The following IRAG2 variants were observed in gnomAD, a reference collection of about 807,000 sequenced individuals.
The protein encoded by IRAG2 is inositol 1,4,5-triphosphate receptor associated 2.
IRAG2 carries 45 observed loss-of-function variants against 69.9 expected under a neutral mutation model. That is an observed-to-expected ratio of 0.64 (90% CI 0.51 to 0.83). IRAG2 has a LOEUF of 0.83. IRAG2 is among the 40% of genes least tolerant of loss of function. IRAG2 has a pLI of 0.00. For synonymous variants in IRAG2, 193 were observed against 202.4 expected, an observed-to-expected ratio of 0.95 and a Z score of 0.40; for missense variants, 520 against 587.0, an observed-to-expected ratio of 0.89 and a Z score of 1.18.
chr12:25,043,653 C>T (rs1350635487), intron 16 of IRAG2, among the ~76,000 whole-genome samples: 1 of 152,112 alleles, frequency 6.6e-6, no homozygotes, highest in Non-Finnish European at 1.5e-5. Context: ...TGCCTGGGGG[C>T]TGCTAGAAAC....
chr12:25,017,178 A>T, exon 6 of IRAG2: 5 of 1,232,120 alleles, frequency 4.1e-6, no homozygotes, highest in Non-Finnish European at 5.1e-6. Context: ...CTTCATTTCA[A>T]CAAAAGAAAA....
intron 8 of IRAG2, among the ~76,000 whole-genome samples, chr12:25,026,374 G>A (rs1793791311): frequency 6.6e-6 from 1 of 152,202 alleles, no homozygotes. Flanking sequence ...GTTAGGCAGG[G>A]AATGGAGGCA....
intron 1 of IRAG2, chr12:25,005,150 A>T: frequency 1.7e-6 from 1 of 584,624 alleles, no homozygotes; most frequent in Non-Finnish European, 2.5e-6. Context: ...TTATTATGAT[A>T]GGTTTTCTTT....
chr12:25,044,778 G>T (rs1944778987), intron 16 of IRAG2, among the ~76,000 whole-genome samples: 1 of 152,192 alleles, frequency 6.6e-6, no homozygotes, highest in Non-Finnish European at 1.5e-5. Context: ...TGACAGAACT[G>T]AAGGGGGAAA....
upstream of IRAG2, among the ~76,000 whole-genome samples, chr12:25,004,168 C>T (rs2139812633): frequency 6.6e-6 from 1 of 152,302 alleles, no homozygotes; most frequent in Admixed American, 6.5e-5. Flanking sequence ...AAGTTAAATG[C>T]ATGGAAAATT....
At chr12:25,003,033 T>C (rs183076322), upstream of IRAG2, among the ~76,000 whole-genome samples, 63 of 152,276 alleles carry the variant, frequency 4.1e-4, no homozygotes, top group Admixed American at 7.8e-4. Context: ...TGGTAAAGGA[T>C]TCTGTTGGTG....
intron 10 of IRAG2, among the ~76,000 whole-genome samples, chr12:25,085,165 T>C (rs1323155064): frequency 9.2e-5 from 14 of 152,258 alleles, no homozygotes; most frequent in Admixed American, 9.2e-4. Flanking sequence ...CCCTCAGCCT[T>C]ATCACAAGGG....
At chr12:25,004,702 T>G (rs1944417780) in exon 1 of IRAG2, 1 of 1,232,154 alleles carries the variant, frequency 8.1e-7, no homozygotes, top group Non-Finnish European at 1.0e-6. Flanking sequence ...TGAAAACGTC[T>G]CAAAGCCGAA....
intron 9 of IRAG2, among the ~76,000 whole-genome samples, chr12:25,029,667 GT>G (rs36093595): frequency 0.27 from 39,085 of 145,490 alleles, 6,172 homozygotes; most frequent in Admixed American, 0.43. Context: ...GTTACAATAT[GT>G]TTTTTTTTTT....
At chr12:24,999,006 T>C in the IRAG2 span, among the ~76,000 whole-genome samples, 1 of 152,238 alleles carries the variant, frequency 6.6e-6, no homozygotes, top group African/African-American at 2.4e-5. Flanking sequence ...ATGCTGCTTT[T>C]GTACCTCTGT....
rs950334790 is a variant in IRAG2 at position 25,052,964 on chromosome 12, G to A, written c.-447+8G>A. The A allele has an allele frequency of 1.3e-5, 5 of 398,430 alleles. No individual in the cohort carries two copies. The highest frequency in any genetic ancestry group is 2.2e-5 in the Non-Finnish European group (5 of 226,034). The allele number at this position is 398,430 out of a possible 1,614,324, so 24.7% of individuals were successfully genotyped here. A position where few individuals can be genotyped will look rare whatever the true frequency, so the allele number is the denominator to read the frequency against. On this transcript the variant is annotated splice_region_variant and intron_variant, in intron 1 of 21. Coordinates refer to ENST00000556887, the MANE Select transcript of IRAG2 (RefSeq NM_001366544.2). ...AGACAAGGAAACTGAAGAGTGAGTAGCAAATATTCATTTATGACCCAGTTT... is the reference window on the plus strand; with the variant it reads ...AGACAAGGAAACTGAAGAGTGAGTAACAAATATTCATTTATGACCCAGTTT...
At position 25,104,373 on chromosome 12, in the gene IRAG2, G is replaced by A; in HGVS notation, c.1059G>A (p.Gly353=). Residue 353 remains glycine (G), a synonymous_variant, in exon 20 of 22, where the codon GGG becomes GGA. Transcript: ENST00000556887. ...SRRSSSWRIL[G]SKQSEHRPSL... ...CATCTTTATTTAGGCGTATTTTGGG[G>A]TCAAAGCAGAGTGAACACCGTCCCT... 6.2e-7 allele frequency: 1 copy of A among 1,609,336 alleles called. No homozygotes were observed. Among genetic ancestry groups the A allele is most frequent in the Non-Finnish European group, 8.5e-7 (1 of 1,175,754 alleles).
In IRAG2 at chr12:25,088,111, G is replaced by C; in HGVS notation, c.327G>C (p.Glu109Asp). ...DKTILNLEAK[E>D]EPETIEEHKK... is the part of the protein sequence containing the mutation. ...TCTTATGATTTTAGGAAGCCAAAGAGGAACCAGAAACAATAGAAGAACATA... is the reference window on the plus strand; with the variant it reads ...TCTTATGATTTTAGGAAGCCAAAGACGAACCAGAAACAATAGAAGAACATA... The change falls in exon 11 of 22, where the codon GAG becomes GAC. Residue 109 changes from glutamate to aspartate, a missense_variant. By Grantham distance (45) the Glu-to-Asp change is conservative. Transcript: ENST00000556887. 6 of 1,612,512 alleles carry C rather than the reference G, an allele frequency of 3.7e-6. No individual in the cohort carries two copies. The highest frequency in any genetic ancestry group is 5.1e-6 in the Non-Finnish European group (6 of 1,178,616).
At chr12:25,077,383 GAT>G (rs1343647307) in intron 6 of IRAG2, among the ~76,000 whole-genome samples, 3 of 115,084 alleles carry the variant, frequency 2.6e-5, no homozygotes, top group African/African-American at 6.6e-5. Context: ...ATATATATAT[GAT>G]ATATATATGA....
At chr12:25,009,279 C>T (rs987658088) in intron 2 of IRAG2, among the ~76,000 whole-genome samples, 2 of 152,184 alleles carry the variant, frequency 1.3e-5, no homozygotes, top group Non-Finnish European at 2.9e-5. Context: ...GCATTCTAGC[C>T]TGGGCAACAG....
chr12:25,098,364 C>T (rs1438922473), intron 15 of IRAG2, among the ~76,000 whole-genome samples: 1 of 152,160 alleles, frequency 6.6e-6, no homozygotes, highest in Non-Finnish European at 1.5e-5. Flanking sequence ...TCCCCATATT[C>T]TCTCTCAAAC....
At chr12:25,077,174 CATATATATATGAT>C (rs887015785) in intron 6 of IRAG2, among the ~76,000 whole-genome samples, 11 of 35,872 alleles carry the variant, frequency 3.1e-4, no homozygotes, top group Non-Finnish European at 5.9e-4. Context: ...TTGTTCATTT[CATATATATATGAT>C]ATATATATGA....
intron 3 of IRAG2, among the ~76,000 whole-genome samples, chr12:25,012,177 C>T (rs1386711364): frequency 4.8e-5 from 5 of 104,706 alleles, no homozygotes; most frequent in African/African-American, 1.5e-4. Context: ...TTTTCTGAGA[C>T]GGAGTTTCAC....
In IRAG2 at chr12:25,076,396, C is replaced by A. The variant is rs948014300; in HGVS notation, c.25-2848C>A. The A allele has an allele frequency of 1.8e-5, 18 of 974,818 alleles. No homozygotes were observed. The African/African-American group carries it at 3.0e-4, about 16-fold the overall frequency. The allele number at this position is 974,818 out of a possible 1,614,324, so 60.4% of individuals were successfully genotyped here. On this transcript the variant is annotated intron_variant, in intron 6 of 21. Coordinates refer to ENST00000556887, the MANE Select transcript of IRAG2 (RefSeq NM_001366544.2). ...AATGTTTCATATCTAACGTATAGGG[C>A]AAAAGAAGGCCTTACACAGAGCATT... is the stretch of plus-strand genomic sequence containing the variant.
Sources: gnomAD v4.1 joint callset for allele counts (sites outside exome capture counted in the v4.1 genomes callset) on GRCh38, gnomAD v4.1.1 for gene constraint, MANE v1.5 for transcripts, NCBI Gene and HGNC (gene_info 2026-07-23, HGNC 2026-07-21) for gene names.